The following MARCHF6 variants were observed in gnomAD, a reference collection of about 807,000 sequenced individuals.
MARCHF6 encodes the protein membrane associated ring-CH-type finger 6, also known as E3 ubiquitin-protein ligase MARCHF6.
Under a neutral mutation model 133.7 loss-of-function variants are expected in MARCHF6, and 31 were observed. The observed-to-expected ratio is 0.23, with a 90% CI of 0.17 to 0.31. The LOEUF (loss-of-function observed/expected upper bound fraction) is 0.31. Among genes scored for constraint, MARCHF6 ranks in the 10% least tolerant of loss-of-function variants. The pLI is 1.00. For synonymous variants in MARCHF6, 395 were observed against 402.5 expected, an observed-to-expected ratio of 0.98 and a Z score of 0.22; for missense variants, 723 against 1,121.6, an observed-to-expected ratio of 0.64 and a Z score of 5.08.
In MARCHF6 at chr5:10,390,481, C is replaced by T. The variant is rs1336775427; in HGVS notation, c.557C>T (p.Ala186Val). ...CATGCTGCCCCACCGTTCAATGCTG[C>T]GGGGCATCACCAAAATGAGGTAACT... is the stretch of plus-strand genomic sequence containing the variant. ...LEHAAPPFNA[A>V]GHHQNEAPAG... is the part of the protein sequence containing the mutation. Residue 186 changes from alanine to valine, a missense_variant, in exon 6 of 26, where the codon GCG becomes GTG. Transcript: ENST00000274140. The T allele has an allele frequency of 1.2e-5, 20 of 1,612,830 alleles. No individual in the cohort carries two copies. The highest frequency in any genetic ancestry group is 3.3e-4 in the Middle Eastern group (2 of 6,080).
chr5:10,394,402 TAAC>T (rs988374673), intron 8 of MARCHF6, among the ~76,000 whole-genome samples: 1 of 152,140 alleles, frequency 6.6e-6, no homozygotes, highest in African/African-American at 2.4e-5. Context: ...AAAAACAAAA[TAAC>T]AATTTAAATT....
chr5:10,415,637 A>G lies in MARCHF6; in HGVS notation c.2116A>G (p.Ile706Val), dbSNP rs1225960036. The G allele has an allele frequency of 5.0e-6, 8 of 1,613,932 alleles. No individual in the cohort carries two copies. The highest frequency in any genetic ancestry group is 6.8e-6 in the Non-Finnish European group (8 of 1,180,000). The change falls in exon 21 of 26, where the codon ATC (isoleucine) becomes GTC (valine). Residue 706 changes from isoleucine to valine, a missense_variant. Transcript: ENST00000274140. ...ATGGATGCCTCAGGGACGCAGAGTGATCTTCCAGAAGGTTAAAGAGTGGTC... is the reference window on the plus strand; with the variant it reads ...ATGGATGCCTCAGGGACGCAGAGTGGTCTTCCAGAAGGTTAAAGAGTGGTC... ...VAWMPQGRRV[I>V]FQKVKEWSLM... is the part of the protein sequence containing the mutation.
At chr5:10,423,921 A>G in intron 23 of MARCHF6, 97 bp downstream of exon 23, 1 of 764,988 alleles carries the variant, frequency 1.3e-6, no homozygotes, top group Non-Finnish European at 2.0e-6. Context: ...TACCTTGCTG[A>G]GTTTTCTACA....
intron 25 of MARCHF6, among the ~76,000 whole-genome samples, chr5:10,433,152 C>T (rs554359411): frequency 5.9e-5 from 9 of 152,226 alleles, no homozygotes; most frequent in African/African-American, 1.2e-4. Flanking sequence ...GGCCTCCCTA[C>T]GTGCTGGGAT....
intron 17 of MARCHF6, among the ~76,000 whole-genome samples, chr5:10,408,739 A>T (rs756944532): frequency 6.6e-6 from 1 of 151,996 alleles, no homozygotes; most frequent in Non-Finnish European, 1.5e-5. Flanking sequence ...GGGTTTTACC[A>T]TGTTGCCTGT....
Position 10,353,909 on chromosome 5 carries a change from C to A in MARCHF6, c.11C>A (p.Ala4Glu). Residue 4 changes from alanine to glutamate, a missense_variant, in exon 1 of 26, where the codon GCG becomes GAG. Coordinates refer to ENST00000274140, the MANE Select transcript of MARCHF6 (RefSeq NM_005885.4). ...GCCCCCCCAGACAAGATGGACACCG[C>A]GGAGGAAGGTAAGTCGGCGACGCGC... The part of the protein sequence containing the change: MDT[A>E]EEDICRVCRS... The A allele has an allele frequency of 6.4e-7, 1 of 1,563,274 alleles. No homozygotes were observed. Among genetic ancestry groups the A allele is most frequent in the Non-Finnish European group, 8.6e-7 (1 of 1,159,258 alleles).
In MARCHF6 at chr5:10,394,804, T is replaced by G. The variant is rs1304790572; in HGVS notation, c.861+19T>G. 4.0e-6 allele frequency: 6 copies of G among 1,504,652 alleles called. No individual in the cohort carries two copies. The African/African-American group carries it at 7.1e-5, about 18-fold the overall frequency. 93.2% of individuals were successfully genotyped at this position (1,504,652 alleles called of 1,614,324 possible). A position where few individuals can be genotyped will look rare whatever the true frequency, so the allele number is the denominator to read the frequency against. ...TTTTCTGGTAAGTAAAACTAATTTT[T>G]TTTTTTTTTTTTTGAGACGGAATCT... On this transcript the variant is annotated intron_variant, in intron 9 of 25. Coordinates refer to ENST00000274140, the MANE Select transcript of MARCHF6 (RefSeq NM_005885.4).
chr5:10,382,603 G>C (rs944212541), intron 4 of MARCHF6, among the ~76,000 whole-genome samples: 1 of 152,152 alleles, frequency 6.6e-6, no homozygotes, highest in Admixed American at 6.5e-5. Context: ...CGAGGTGGGA[G>C]CATCACTTGA....
At chr5:10,422,360 A>G (rs763813625) in intron 22 of MARCHF6, among the ~76,000 whole-genome samples, 1 of 152,228 alleles carries the variant, frequency 6.6e-6, no homozygotes, top group Non-Finnish European at 1.5e-5. Context: ...TGAATTGAAG[A>G]AAGATCTGAT....
chr5:10,362,784 G>A (rs1338579213), intron 1 of MARCHF6, among the ~76,000 whole-genome samples: 1 of 152,088 alleles, frequency 6.6e-6, no homozygotes, highest in Non-Finnish European at 1.5e-5. Flanking sequence ...GTTTCTTAAC[G>A]TATCTGAAAA....
chr5:10,402,679 T>C lies in MARCHF6; in HGVS notation c.1197+72T>C, dbSNP rs1010210510. ...CAAAAGAGGAAGTCTTCAGCATGTA[T>C]TCTTTTTAAAGGAAAGCAAATATTT... On this transcript the variant is annotated intron_variant, in intron 14 of 25. Coordinates refer to ENST00000274140, the MANE Select transcript of MARCHF6 (RefSeq NM_005885.4). The C allele has an allele frequency of 1.4e-5, 18 of 1,259,856 alleles. No homozygotes were observed. In the East Asian group the frequency reaches 3.9e-4, roughly 28 times the overall value. 78.0% of individuals were successfully genotyped at this position (1,259,856 alleles called of 1,614,324 possible). A position where few individuals can be genotyped will look rare whatever the true frequency, so the allele number is the denominator to read the frequency against.
chr5:10,426,491 T>C lies in MARCHF6; in HGVS notation c.2475T>C (p.Tyr825=). 3 of 1,614,194 alleles carry C rather than the reference T, an allele frequency of 1.9e-6. No homozygotes were observed. Among genetic ancestry groups the C allele is most frequent in the South Asian group, 1.1e-5 (1 of 91,074 alleles). ...TGTTGCTTTCCCTGTGTGTACCTTA[T>C]GTCATAGCTTCTGGTGTTGTTCCTT... is the stretch of plus-strand genomic sequence containing the variant. The part of the protein sequence containing the change: ...SVLLLSLCVP[Y]VIASGVVPLL... Residue 825 remains tyrosine, a synonymous_variant, in exon 24 of 26, where the codon TAT becomes TAC. Coordinates refer to ENST00000274140, the MANE Select transcript of MARCHF6 (RefSeq NM_005885.4).
chr5:10,407,059 G>A (rs766266011), intron 16 of MARCHF6, 43 bp from the exon 17 acceptor site: 1 of 1,106,126 alleles, frequency 9.0e-7, no homozygotes, highest in Admixed American at 1.8e-5. Context: ...GCACAGGAGT[G>A]ATTGACTCTT....
At chr5:10,391,936 T>C (rs1245065160) in intron 7 of MARCHF6, among the ~76,000 whole-genome samples, 2 of 152,164 alleles carry the variant, frequency 1.3e-5, no homozygotes, top group Admixed American at 6.5e-5. Context: ...ATGTTTTGTG[T>C]TTTAAAATCC....
rs1372242327 is a variant in MARCHF6 at position 10,437,131 on chromosome 5, C to T, written c.*3447C>T. ...TTGCGAATGTGCGTGAACACACGCA[C>T]ACGTGCAGGAGAATGTAGTGCCATA... On this transcript the variant is annotated 3_prime_UTR_variant, in exon 26 of 26. Coordinates refer to ENST00000274140, the MANE Select transcript of MARCHF6 (RefSeq NM_005885.4). 3 of 152,250 alleles carry T rather than the reference C, an allele frequency of 2.0e-5. No homozygotes were observed. Among genetic ancestry groups the T allele is most frequent in the African/African-American group, 7.2e-5 (3 of 41,472 alleles). 9.4% of individuals were successfully genotyped at this position (152,250 alleles called of 1,614,324 possible). A position where few individuals can be genotyped will look rare whatever the true frequency, so the allele number is the denominator to read the frequency against.
At chr5:10,384,644 A>C (rs1417100976) in intron 4 of MARCHF6, among the ~76,000 whole-genome samples, 1 of 152,246 alleles carries the variant, frequency 6.6e-6, no homozygotes, top group Non-Finnish European at 1.5e-5. Context: ...ACTGCTCAGC[A>C]TCATTAGAGA....
chr5:10,354,170 G>T (rs1735293882), intron 1 of MARCHF6, among the ~76,000 whole-genome samples: 1 of 151,974 alleles, frequency 6.6e-6, no homozygotes. Context: ...TCGGGGCCTC[G>T]GGGCTACTGC....
intron 2 of MARCHF6, 53 bp from the exon 3 acceptor site, chr5:10,378,706 G>A (rs2126694669): frequency 1.8e-6 from 2 of 1,095,918 alleles, no homozygotes; most frequent in East Asian, 2.4e-5. Context: ...CGACAAAACT[G>A]TAATGTTTCT....
intron 1 of MARCHF6, among the ~76,000 whole-genome samples, chr5:10,375,890 CTCTA>C (rs1048229678): frequency 6.2e-4 from 94 of 152,316 alleles, no homozygotes; most frequent in African/African-American, 2.1e-3. Flanking sequence ...CCAATCTACA[CTCTA>C]TCTAGCTGCT....
Sources: gnomAD v4.1 joint callset for allele counts (sites outside exome capture counted in the v4.1 genomes callset) on GRCh38, gnomAD v4.1.1 for gene constraint, MANE v1.5 for transcripts, NCBI Gene and HGNC (gene_info 2026-07-23, HGNC 2026-07-21) for gene names.